CYP4X1: variants seen among roughly 807,000 people sequenced by gnomAD.
CYP4X1 encodes cytochrome P450 family 4 subfamily X member 1.
Under a neutral mutation model 57.9 loss-of-function variants are expected in CYP4X1, and 44 were observed. The ratio of observed to expected loss-of-function variants is 0.76; its 90% CI spans 0.60 to 0.98. The LOEUF is 0.98. Among genes scored for constraint, CYP4X1 ranks in the 50% least tolerant of loss-of-function variants. CYP4X1 has a pLI of 0.00. For synonymous variants in CYP4X1, 227 were observed against 228.6 expected (o/e 0.99, Z 0.06); for missense variants, 532 against 623.9 (o/e 0.85, Z 1.57).
chr1:47,008,091 C>T, the CYP4X1 span, among the ~76,000 whole-genome samples: 1 of 152,062 alleles, frequency 6.6e-6, no homozygotes, highest in Non-Finnish European at 1.5e-5. Flanking sequence ...AGATACTCCT[C>T]GAGAAGAGCA....
the CYP4X1 span, among the ~76,000 whole-genome samples, chr1:46,995,432 T>C: frequency 6.7e-6 from 1 of 149,522 alleles, no homozygotes; most frequent in African/African-American, 2.5e-5. Context: ...GGGTAGAGAG[T>C]CCTAGGTAGA....
At chr1:47,018,655 A>T in the CYP4X1 span, among the ~76,000 whole-genome samples, 1 of 152,160 alleles carries the variant, frequency 6.6e-6, no homozygotes, top group Non-Finnish European at 1.5e-5. Context: ...GAAACATAAC[A>T]ATATGTAACA....
At chr1:47,010,848 A>G in the CYP4X1 span, among the ~76,000 whole-genome samples, 10 of 152,216 alleles carry the variant, frequency 6.6e-5, no homozygotes, top group African/African-American at 2.4e-4. Context: ...TCCAACTTAC[A>G]AGGGACGTGA....
chr1:46,987,965 A>G, the CYP4X1 span, among the ~76,000 whole-genome samples: 1 of 152,220 alleles, frequency 6.6e-6, no homozygotes, highest in Non-Finnish European at 1.5e-5. Flanking sequence ...TAACTTCACA[A>G]TTAAAAGAAC....
intron 6 of CYP4X1, among the ~76,000 whole-genome samples, 199 bp downstream of exon 6, chr1:47,036,370 T>TATATATATATATATATATATATATATATA (rs1553152516): frequency 1.0e-3 from 132 of 129,794 alleles, no homozygotes; most frequent in East Asian, 2.5e-3. Flanking sequence ...ATCAGAATTT[T>TATATATATATATATATATATATATATATA]TATATATATA....
In CYP4X1 at chr1:47,023,730, G is replaced by A; in HGVS notation, c.-88G>A. ...CGAGGGCCCAGAGAGGCGGTGGGGT[G>A]GGCGACCCTACGCCAGCTCCGGGCG... On this transcript the variant is annotated 5_prime_UTR_variant, in exon 1 of 12. Coordinates refer to ENST00000371901, the MANE Select transcript of CYP4X1 (RefSeq NM_178033.2). The A allele has an allele frequency of 1.3e-6, 2 of 1,499,478 alleles. No individual in the cohort carries two copies. The highest frequency in any genetic ancestry group is 2.1e-5 in the Admixed American group (1 of 46,570). 92.9% of individuals were successfully genotyped at this position (1,499,478 alleles called of 1,614,324 possible).
chr1:47,008,394 G>A, the CYP4X1 span, among the ~76,000 whole-genome samples: 1 of 152,160 alleles, frequency 6.6e-6, no homozygotes, highest in African/African-American at 2.4e-5. Flanking sequence ...GTCACCAGCA[G>A]GCCTGCCTTA....
At chr1:47,023,538 T>A, upstream of CYP4X1, 1 of 1,187,652 alleles carries the variant, frequency 8.4e-7, no homozygotes, top group Non-Finnish European at 1.0e-6. Flanking sequence ...CTGAAAACTG[T>A]TGGACTTAAA....
the CYP4X1 span, among the ~76,000 whole-genome samples, chr1:47,014,748 A>G: frequency 6.6e-6 from 1 of 152,028 alleles, no homozygotes; most frequent in Non-Finnish European, 1.5e-5. Context: ...CCTCTTTTCC[A>G]TCTCCTCTGG....
At position 47,046,690 on chromosome 1, in the gene CYP4X1, G is replaced by A; in HGVS notation, c.1207+90G>A. The stretch of plus-strand genomic sequence containing the variant: ...AGATTAGTGAGTCTCTTAGCACTTG[G>A]AGAAGTCAAAAGATAATGCTAACAT... On this transcript the variant is annotated intron_variant, in intron 9 of 11. Transcript: ENST00000371901. 3 of 1,575,892 alleles carry A rather than the reference G, an allele frequency of 1.9e-6. No individual in the cohort carries two copies. In the South Asian group the frequency reaches 3.5e-5, roughly 18 times the overall value.
chr1:46,983,142 C>A, the CYP4X1 span, among the ~76,000 whole-genome samples: 1 of 152,140 alleles, frequency 6.6e-6, no homozygotes, highest in Non-Finnish European at 1.5e-5. Context: ...AAGTAAAGCA[C>A]TCAGGCTCTT....
At chr1:46,997,263 T>G in the CYP4X1 span, among the ~76,000 whole-genome samples, 16 of 152,254 alleles carry the variant, frequency 1.1e-4, no homozygotes, top group African/African-American at 3.9e-4. Flanking sequence ...ATGTACATGT[T>G]TGTTACATGG....
rs1644142929 is a variant in CYP4X1 at position 47,033,275 on chromosome 1, G to A, written c.399G>A (p.Trp133Ter). ...TAGCGGCTCTAGACGGACCCAAGTG[G>A]TTCCAGCATCGTCGCCTACTAACTC... ...KGLAALDGPKWFQHRRLLTPG... is the reference protein window; with the variant it reads ...KGLAALDGPK The change falls in exon 4 of 12, where the codon TGG becomes TGA. Residue 133 changes from tryptophan to a stop codon, truncating the protein, a stop_gained. Coordinates refer to ENST00000371901, the MANE Select transcript of CYP4X1 (RefSeq NM_178033.2). LOFTEE classifies it high-confidence loss of function. The A allele has an allele frequency of 6.2e-7, 1 of 1,613,596 alleles. No individual in the cohort carries two copies. Among genetic ancestry groups the A allele is most frequent in the African/African-American group, 1.3e-5 (1 of 74,862 alleles).
Position 47,038,771 on chromosome 1 carries a change from ATCT to A in CYP4X1, c.882+9_882+11del, listed in dbSNP as rs1485149036. 9 of 1,606,944 alleles carry A rather than the reference ATCT, an allele frequency of 5.6e-6. No individual in the cohort carries two copies. In the African/African-American group the frequency reaches 1.2e-4, roughly 22 times the overall value. On this transcript the variant is annotated splice_donor_region_variant and intron_variant, in intron 7 of 11. Transcript: ENST00000371901. ...GATATTGTCCTTTCTGCCAAGGTAA[ATCT>A]TCTAAATTTCTAAGCCTGCTCAAGT...
At chr1:46,988,207 A>G in the CYP4X1 span, among the ~76,000 whole-genome samples, 1 of 152,210 alleles carries the variant, frequency 6.6e-6, no homozygotes, top group East Asian at 1.9e-4. Flanking sequence ...AGGAGATATC[A>G]CCACTGATCC....
chr1:47,023,561 A>T (rs150525877), upstream of CYP4X1: 10 of 1,268,940 alleles, frequency 7.9e-6, 1 homozygote, highest in African/African-American at 1.5e-4. Context: ...AGGACGCTCC[A>T]GGAGCGCAAA....
At chr1:47,007,149 C>T in the CYP4X1 span, among the ~76,000 whole-genome samples, 1 of 152,360 alleles carries the variant, frequency 6.6e-6, no homozygotes, top group Non-Finnish European at 1.5e-5. Flanking sequence ...TCCCTAAACC[C>T]CGAGTAGCCT....
At chr1:46,992,178 C>T in the CYP4X1 span, among the ~76,000 whole-genome samples, 2 of 152,118 alleles carry the variant, frequency 1.3e-5, no homozygotes, top group African/African-American at 4.8e-5. Flanking sequence ...TAGCTGAGTG[C>T]GAAGGCACAC....
chr1:47,037,208 C>G (rs998162826), intron 6 of CYP4X1, among the ~76,000 whole-genome samples: 2 of 150,274 alleles, frequency 1.3e-5, no homozygotes, highest in African/African-American at 4.9e-5. Flanking sequence ...GATGAAAAAG[C>G]AAAATGCAAA....
Sources: allele counts gnomAD v4.1 joint callset (sites outside exome capture counted in the v4.1 genomes callset), GRCh38; gene constraint gnomAD v4.1.1; transcripts MANE v1.5; gene names NCBI Gene and HGNC (gene_info 2026-07-23, HGNC 2026-07-21).